ERI3: variants seen among roughly 807,000 people sequenced by gnomAD.
ERI3 encodes ERI1 exoribonuclease family member 3, also known as ERI1 exoribonuclease 3.
Under a neutral mutation model 44.4 loss-of-function variants are expected in ERI3, and 18 were observed. The ratio of observed to expected loss-of-function variants is 0.41; its 90% CI spans 0.28 to 0.60. ERI3 has a LOEUF of 0.60. ERI3 is among the 20% of genes least tolerant of loss of function. The pLI, the probability that ERI3 is intolerant of heterozygous loss-of-function variation, is 0.36. For missense variants in ERI3, 294 were observed against 435.5 expected (o/e 0.68, Z 2.89); for synonymous variants, 183 against 164.8 (o/e 1.11, Z -0.84).
intron 7 of ERI3, among the ~76,000 whole-genome samples, chr1:44,275,383 G>A (rs1048316689): frequency 3.3e-5 from 5 of 152,092 alleles, no homozygotes; most frequent in Non-Finnish European, 7.4e-5. Flanking sequence ...GCATCATCCC[G>A]ACCTGCTGAC....
At chr1:44,263,762 A>C (rs767884496) in intron 7 of ERI3, among the ~76,000 whole-genome samples, 2 of 152,192 alleles carry the variant, frequency 1.3e-5, no homozygotes, top group Non-Finnish European at 2.9e-5. Flanking sequence ...CACCCAACAC[A>C]CACTCTTGCC....
At chr1:44,255,048 C>T (rs1644754255) in intron 7 of ERI3, among the ~76,000 whole-genome samples, 3 of 152,062 alleles carry the variant, frequency 2.0e-5, no homozygotes, top group Non-Finnish European at 4.4e-5. Context: ...AGTTTCTACC[C>T]CATAGAATTG....
intron 7 of ERI3, among the ~76,000 whole-genome samples, chr1:44,267,832 C>T (rs1645018595): frequency 6.6e-6 from 1 of 152,208 alleles, no homozygotes; most frequent in East Asian, 1.9e-4. Context: ...CAAAAACACT[C>T]CCTAAGCCAG....
chr1:44,312,879 C>G (rs1301209194), intron 5 of ERI3, among the ~76,000 whole-genome samples: 1 of 152,384 alleles, frequency 6.6e-6, no homozygotes, highest in African/African-American at 2.4e-5. Context: ...CCAGCATAGG[C>G]TACCCCAGAG....
chr1:44,273,392 C>A (rs1046068794), intron 7 of ERI3, among the ~76,000 whole-genome samples: 11 of 152,242 alleles, frequency 7.2e-5, no homozygotes, highest in Admixed American at 6.5e-4. Flanking sequence ...GGTTCAAATG[C>A]TAGCTTCACC....
chr1:44,255,276 C>T (rs1179660650), intron 7 of ERI3, among the ~76,000 whole-genome samples: 3 of 152,204 alleles, frequency 2.0e-5, no homozygotes, highest in Non-Finnish European at 4.4e-5. Context: ...GTCAAGCTGC[C>T]GCCATGCTGC....
At chr1:44,261,128 G>A (rs1417268252) in intron 7 of ERI3, among the ~76,000 whole-genome samples, 3 of 152,190 alleles carry the variant, frequency 2.0e-5, no homozygotes, top group East Asian at 1.9e-4. Flanking sequence ...GACAGGCCTC[G>A]ACTTGAAAAG....
At chr1:44,343,300 C>T (rs1487743620) in intron 2 of ERI3, among the ~76,000 whole-genome samples, 1 of 152,036 alleles carries the variant, frequency 6.6e-6, no homozygotes, top group Admixed American at 6.5e-5. Context: ...TACATAGTTT[C>T]AAAGTATCAC....
At chr1:44,301,678 G>C (rs1645729109) in intron 6 of ERI3, among the ~76,000 whole-genome samples, 1 of 152,142 alleles carries the variant, frequency 6.6e-6, no homozygotes, top group Admixed American at 6.5e-5. Context: ...TCCAGGGTGG[G>C]GAGGTTCTGG....
intron 6 of ERI3, 75 bp downstream of exon 6, chr1:44,308,235 T>C: frequency 9.6e-7 from 1 of 1,039,224 alleles, no homozygotes; most frequent in Admixed American, 1.7e-5. Context: ...TTGTAGACAT[T>C]TAAGCCTCCA....
chr1:44,282,628 T>C (rs368508216), intron 7 of ERI3, among the ~76,000 whole-genome samples: 8 of 152,196 alleles, frequency 5.3e-5, no homozygotes, highest in African/African-American at 1.4e-4. Context: ...ATGTCCTGAA[T>C]GGCTGTTGGT....
intron 8 of ERI3, among the ~76,000 whole-genome samples, chr1:44,223,707 A>C (rs890885478): frequency 9.2e-5 from 14 of 151,940 alleles, no homozygotes; most frequent in African/African-American, 3.4e-4. Flanking sequence ...CCCAGCCCCA[A>C]CCCCCAGGCC....
At chr1:44,276,721 C>T (rs1262833833) in intron 7 of ERI3, among the ~76,000 whole-genome samples, 1 of 152,178 alleles carries the variant, frequency 6.6e-6, no homozygotes, top group Non-Finnish European at 1.5e-5. Flanking sequence ...CCATCAGACC[C>T]CCTGCTATCT....
chr1:44,290,560 C>T (rs988870141), intron 6 of ERI3, among the ~76,000 whole-genome samples: 1 of 152,220 alleles, frequency 6.6e-6, no homozygotes, highest in African/African-American at 2.4e-5. Flanking sequence ...CCCACTGGAT[C>T]CCAGTCAGGG....
At chr1:44,281,876 ATATGTG>A (rs1430177208) in intron 7 of ERI3, among the ~76,000 whole-genome samples, 30 of 96,772 alleles carry the variant, frequency 3.1e-4, no homozygotes, top group African/African-American at 5.7e-4. Context: ...ATACATGTGC[ATATGTG>A]TGTGTGTGTG....
intron 4 of ERI3, among the ~76,000 whole-genome samples, chr1:44,316,423 A>G (rs1246331599): frequency 6.6e-6 from 1 of 152,222 alleles, no homozygotes; most frequent in Non-Finnish European, 1.5e-5. Context: ...CTGACTGATA[A>G]CATGGCTGGT....
At chr1:44,231,542 T>TG (rs1220011368) in intron 8 of ERI3, among the ~76,000 whole-genome samples, 3 of 152,124 alleles carry the variant, frequency 2.0e-5, no homozygotes, top group African/African-American at 4.8e-5. Context: ...TGGCTTTTTT[T>TG]TGTGTGTGTA....
chr1:44,259,875 C>CTAGATAGATAGATAGA lies in ERI3; in HGVS notation c.832-11853_832-11838dup, dbSNP rs71036672. Reference sequence around the variant, plus strand: ...AGCCTGAGTGACAGAGGAAAACCCTCTAGATAGATAGATAGATAGATAGAT... The same window carrying CTAGATAGATAGATAGA: ...AGCCTGAGTGACAGAGGAAAACCCTCTAGATAGATAGATAGATAGATAGATAGATAGATAGATAGAT... On this transcript the variant is annotated intron_variant, in intron 7 of 8. Coordinates refer to ENST00000372257, the MANE Select transcript of ERI3 (RefSeq NM_024066.3). Among the ~76,000 whole-genome samples, 336 of 135,948 alleles carry CTAGATAGATAGATAGA rather than the reference C, an allele frequency of 2.5e-3. 2 individuals are homozygous for CTAGATAGATAGATAGA. Among genetic ancestry groups the CTAGATAGATAGATAGA allele is most frequent in the Middle Eastern group, 0.011 (3 of 278 alleles). 89.2% of individuals were successfully genotyped at this position (135,948 alleles called of 152,430 possible). A position where few individuals can be genotyped will look rare whatever the true frequency, so the allele number is the denominator to read the frequency against.
chr1:44,285,556 G>T (rs1645377083), intron 6 of ERI3, among the ~76,000 whole-genome samples: 1 of 152,182 alleles, frequency 6.6e-6, no homozygotes, highest in South Asian at 2.1e-4. Context: ...TTCAAATCAA[G>T]GGTCTGTTCT....
Sources: allele counts gnomAD v4.1 joint callset (sites outside exome capture counted in the v4.1 genomes callset), GRCh38; gene constraint gnomAD v4.1.1; transcripts MANE v1.5; gene names NCBI Gene and HGNC (gene_info 2026-07-23, HGNC 2026-07-21).